RAD18: variants seen among roughly 807,000 people sequenced by gnomAD.
RAD18 encodes the protein E3 ubiquitin-protein ligase RAD18.
A neutral mutation model predicts 60.4 loss-of-function variants in RAD18; 47 were observed. That is an observed-to-expected ratio of 0.78 (90% CI 0.62 to 0.99). The LOEUF (loss-of-function observed/expected upper bound fraction) is 0.99. Among genes scored for constraint, RAD18 ranks in the 50% least tolerant of loss-of-function variants. RAD18 has a pLI of 0.00. For missense variants in RAD18, 640 were observed against 593.3 expected, an observed-to-expected ratio of 1.08 and a Z score of -0.82; for synonymous variants, 225 against 195.5, an observed-to-expected ratio of 1.15 and a Z score of -1.26.
chr3:8,913,568 T>TG lies in RAD18; in HGVS notation c.966+75dup. 5 of 1,045,622 alleles carry TG rather than the reference T, an allele frequency of 4.8e-6. No individual in the cohort carries two copies. The South Asian group carries it at 1.1e-4, about 22-fold the overall frequency. The allele number at this position is 1,045,622 out of a possible 1,614,324, so 64.8% of individuals were successfully genotyped here. A position where few individuals can be genotyped will look rare whatever the true frequency, so the allele number is the denominator to read the frequency against. ...GTTAGTAAATGAATAAATTTAATAA[T>TG]GGCTTGCTTTAATTTTTGTAGGGTA... is the stretch of plus-strand genomic sequence containing the variant. On this transcript the variant is annotated intron_variant, in intron 8 of 12. Coordinates refer to ENST00000264926, the MANE Select transcript of RAD18 (RefSeq NM_020165.4).
chr3:8,922,305 C>T (rs1028664639), intron 7 of RAD18, among the ~76,000 whole-genome samples: 3 of 152,200 alleles, frequency 2.0e-5, no homozygotes, highest in Non-Finnish European at 2.9e-5. Flanking sequence ...GTGCCTGGCT[C>T]GGAGGGTCCT....
At chr3:8,914,063 G>A (rs1489289215) in intron 7 of RAD18, among the ~76,000 whole-genome samples, 2 of 152,094 alleles carry the variant, frequency 1.3e-5, no homozygotes, top group African/African-American at 4.8e-5. Context: ...AATTATTAGG[G>A]GATGTCTGCT....
At chr3:8,930,949 G>C (rs1940542486) in intron 7 of RAD18, among the ~76,000 whole-genome samples, 1 of 152,032 alleles carries the variant, frequency 6.6e-6, no homozygotes. Flanking sequence ...AAAAAGATTG[G>C]AGAAAGGAAA....
chr3:8,888,523 G>A (rs982731104), intron 12 of RAD18, among the ~76,000 whole-genome samples: 13 of 152,216 alleles, frequency 8.5e-5, no homozygotes, highest in Admixed American at 6.5e-4. Context: ...CTTAAGATGG[G>A]TATTTGTAGA....
chr3:8,957,679 G>A (rs1941035423), intron 2 of RAD18, among the ~76,000 whole-genome samples: 2 of 152,078 alleles, frequency 1.3e-5, no homozygotes, highest in Non-Finnish European at 1.5e-5. Flanking sequence ...GGTTTTAGTG[G>A]GCAGTAGTTT....
intron 10 of RAD18, 138 bp downstream of exon 10, chr3:8,902,242 A>C (rs765183657): frequency 7.9e-6 from 6 of 763,942 alleles, no homozygotes; most frequent in Middle Eastern, 8.1e-4. Context: ...AAACTGCTAC[A>C]TGAAGTTTGT....
rs764026833 is a variant in RAD18, at chr3:8,912,301, G to A, written c.1027+11C>T. 31 of 1,534,450 alleles carry A rather than the reference G, an allele frequency of 2.0e-5. No homozygotes were observed. The highest frequency in any genetic ancestry group is 4.2e-5 in the African/African-American group (3 of 70,716). On this transcript the variant is annotated intron_variant, in intron 9 of 12. Coordinates refer to ENST00000264926, the MANE Select transcript of RAD18 (RefSeq NM_020165.4). ...AGCTCTTTACAAATTAAATAAAGTC[G>A]TGCAACTTACGATATTTACTGTGGA...
intron 7 of RAD18, among the ~76,000 whole-genome samples, chr3:8,924,432 A>G (rs1352283114): frequency 7.0e-6 from 1 of 143,166 alleles, no homozygotes; most frequent in African/African-American, 2.6e-5. Context: ...GAGACCTACA[A>G]AGAGACTTAG....
intron 11 of RAD18, among the ~76,000 whole-genome samples, chr3:8,896,954 A>C (rs1464518059): frequency 6.6e-6 from 1 of 151,524 alleles, no homozygotes; most frequent in African/African-American, 2.4e-5. Context: ...TTTTTAAGGA[A>C]AAAAAAAATA....
intron 4 of RAD18, 131 bp from the exon 5 acceptor site, chr3:8,941,935 C>A: frequency 2.5e-6 from 2 of 813,350 alleles, no homozygotes; most frequent in East Asian, 2.6e-5. Flanking sequence ...GACAACCAAA[C>A]CAAAGTTTCT....
intron 9 of RAD18, among the ~76,000 whole-genome samples, chr3:8,906,503 C>T (rs13065040): frequency 0.1 from 15,575 of 152,168 alleles, 903 homozygotes; most frequent in East Asian, 0.23. Flanking sequence ...TAAGGCTGGT[C>T]TTGTCAAGGT....
intron 7 of RAD18, among the ~76,000 whole-genome samples, chr3:8,929,848 G>A (rs1017093757): frequency 6.6e-6 from 1 of 152,104 alleles, no homozygotes; most frequent in Admixed American, 6.5e-5. Context: ...TCACCCTGTT[G>A]GCCAGGCTGG....
chr3:8,941,469 T>G lies in RAD18; in HGVS notation c.602A>C (p.Lys201Thr). 1 of 1,591,210 alleles carries G rather than the reference T, an allele frequency of 6.3e-7. No homozygotes were observed. The highest frequency in any genetic ancestry group is 2.2e-5 in the East Asian group (1 of 44,568). ...PSTSTLKQVT[K>T]VDCPVCGVNI... is the part of the protein sequence containing the mutation. ...CACATATGAAAATAACTTCCTACCT[T>G]TAGTAACTTGTTTCAAAGTGGATGT... Residue 201 changes from lysine (K) to threonine (T), a missense_variant and splice_region_variant, in exon 5 of 13, where the codon AAA (lysine) becomes ACA (threonine). Lys to Thr is a moderately conservative substitution (Grantham distance 78). Coordinates refer to ENST00000264926, the MANE Select transcript of RAD18 (RefSeq NM_020165.4).
At chr3:8,904,590 T>A (rs1459221461) in intron 9 of RAD18, among the ~76,000 whole-genome samples, 1 of 152,022 alleles carries the variant, frequency 6.6e-6, no homozygotes, top group Non-Finnish European at 1.5e-5. Context: ...TACAAACAAG[T>A]GAGATCCTAT....
At chr3:8,963,197 C>T (rs1941117994) in intron 1 of RAD18, 138 bp downstream of exon 1, 1 of 948,826 alleles carries the variant, frequency 1.1e-6, no homozygotes, top group Non-Finnish European at 1.5e-6. Flanking sequence ...CGGCTAGTGG[C>T]AGGGCAGAGC....
chr3:8,950,352 A>G (rs1196076556), intron 2 of RAD18, among the ~76,000 whole-genome samples: 2 of 152,124 alleles, frequency 1.3e-5, no homozygotes, highest in Non-Finnish European at 2.9e-5. Flanking sequence ...TCTGTTCTCA[A>G]CAAAGCCCTC....
chr3:8,888,136 C>CGA (rs1939610382), intron 12 of RAD18, among the ~76,000 whole-genome samples: 1 of 152,218 alleles, frequency 6.6e-6, no homozygotes, highest in African/African-American at 2.4e-5. Flanking sequence ...AAAGCACTTC[C>CGA]CTTGTTCCTG....
intron 10 of RAD18, 70 bp downstream of exon 10, chr3:8,902,310 T>A: frequency 7.5e-7 from 1 of 1,337,642 alleles, no homozygotes; most frequent in Non-Finnish European, 9.8e-7. Flanking sequence ...ATTTCTTTGG[T>A]TTAATTTTTT....
At chr3:8,913,963 GAGTCA>G (rs2307528) in intron 7 of RAD18, among the ~76,000 whole-genome samples, 1 of 151,416 alleles carries the variant, frequency 6.6e-6, no homozygotes, top group African/African-American at 2.4e-5. Context: ...ATAACCACAA[GAGTCA>G]AGTCATTTTG....
Sources: allele counts gnomAD v4.1 joint callset (sites outside exome capture counted in the v4.1 genomes callset), GRCh38; gene constraint gnomAD v4.1.1; transcripts MANE v1.5; gene names NCBI Gene and HGNC (gene_info 2026-07-23, HGNC 2026-07-21).